Variants in CDC5L observed in about 807,000 individuals in gnomAD.
The protein encoded by CDC5L is cell division cycle 5 like, also known as cell division cycle 5-like protein.
CDC5L carries 18 observed loss-of-function variants against 104.1 expected under a neutral mutation model. The observed-to-expected ratio is 0.17, with a 90% CI of 0.12 to 0.26. The LOEUF is 0.26. Ranked by LOEUF, CDC5L falls within the 10% of genes least tolerant of loss-of-function variation. CDC5L has a pLI of 1.00. For missense variants in CDC5L, 673 were observed against 956.9 expected (o/e 0.70, Z 3.91); for synonymous variants, 331 against 322.7 (o/e 1.03, Z -0.28).
intron 11 of CDC5L, among the ~76,000 whole-genome samples, chr6:44,425,803 G>A (rs1009339092): frequency 6.6e-6 from 1 of 152,024 alleles, no homozygotes; most frequent in South Asian, 2.1e-4. Flanking sequence ...TTTGTCGTGG[G>A]AGTCTCTTTG....
chr6:44,408,625 T>G lies in CDC5L; in HGVS notation c.1085T>G (p.Ile362Ser). Residue 362 changes from isoleucine (I) to serine (S), a missense_variant, in exon 8 of 16, where the codon ATT (isoleucine) becomes AGT (serine). Physicochemically the swap from Ile to Ser is moderately radical, Grantham distance 142. Transcript: ENST00000371477. ...CGAACACCAGCTTCCCAGGACAGAA[T>G]TCTGCAGGTAACGTGTCACGTAGTA... ...TPRTPASQDR[I>S]LQEAQNLMAL... 1 of 1,595,812 alleles carries G rather than the reference T, an allele frequency of 6.3e-7. No homozygotes were observed. The highest frequency in any genetic ancestry group is 8.6e-7 in the Non-Finnish European group (1 of 1,166,902).
In CDC5L at chr6:44,445,747, T is replaced by A. The variant is rs760231944; in HGVS notation, c.2184T>A (p.Ala728=). 1.9e-6 allele frequency: 3 copies of A among 1,614,112 alleles called. No individual in the cohort carries two copies. Among genetic ancestry groups the A allele is most frequent in the Non-Finnish European group, 2.5e-6 (3 of 1,179,952 alleles). ...TGCTTGGGGGTTACCAGTCTCGTGC[T>A]ATGGGGCTCATGAAACAGTTGAATG... is the stretch of plus-strand genomic sequence containing the variant. ...KILLGGYQSR[A]MGLMKQLNDL... is the part of the protein sequence containing the mutation. The change falls in exon 15 of 16, where the codon GCT becomes GCA. Residue 728 remains alanine (A), a synonymous_variant. Transcript: ENST00000371477.
Position 44,406,228 on chromosome 6 carries a change from G to C in CDC5L, c.759-95G>C, listed in dbSNP as rs371468855. The C allele has an allele frequency of 3.1e-5, 28 of 912,324 alleles. No individual in the cohort carries two copies. In the Admixed American group the frequency reaches 3.5e-4, roughly 11 times the overall value. The allele number at this position is 912,324 out of a possible 1,614,324, so 56.5% of individuals were successfully genotyped here. ...TTTCAGTTATTTTCTTAGAAATGAG[G>C]TTGTTTGTTCAAAGGGTTTGAGTAT... On this transcript the variant is annotated intron_variant, in intron 6 of 15. Transcript: ENST00000371477.
At chr6:44,406,232 T>G in intron 6 of CDC5L, 91 bp from the exon 7 acceptor site, 1 of 961,426 alleles carries the variant, frequency 1.0e-6, no homozygotes, top group Non-Finnish European at 1.5e-6. Context: ...AATGAGGTTG[T>G]TTGTTCAAAG....
At chr6:44,403,330 TAA>T (rs76723196) in intron 5 of CDC5L, among the ~76,000 whole-genome samples, 21 of 142,334 alleles carry the variant, frequency 1.5e-4, no homozygotes, top group African/African-American at 2.6e-4. Flanking sequence ...TTGAGTGCAT[TAA>T]AAAAAAAAAA....
At chr6:44,419,425 C>G in intron 8 of CDC5L, 24 bp from the exon 9 acceptor site, 1 of 1,611,828 alleles carries the variant, frequency 6.2e-7, no homozygotes, top group Non-Finnish European at 8.5e-7. Flanking sequence ...TTTAAACTTG[C>G]TTCTTTGTCT....
At chr6:44,427,499 G>C (rs1241371295) in intron 13 of CDC5L, among the ~76,000 whole-genome samples, 1 of 152,140 alleles carries the variant, frequency 6.6e-6, no homozygotes, top group African/African-American at 2.4e-5. Flanking sequence ...AAACTCTCCT[G>C]TCTTCTCTCC....
At chr6:44,414,838 C>T (rs1791839200) in intron 8 of CDC5L, among the ~76,000 whole-genome samples, 1 of 152,076 alleles carries the variant, frequency 6.6e-6, no homozygotes, top group Non-Finnish European at 1.5e-5. Flanking sequence ...TTAATCTTAT[C>T]CAAGAAATTC....
At chr6:44,439,761 C>G (rs1336832066) in intron 14 of CDC5L, among the ~76,000 whole-genome samples, 1 of 152,224 alleles carries the variant, frequency 6.6e-6, no homozygotes, top group Non-Finnish European at 1.5e-5. Context: ...GTGCCAGGCA[C>G]TGGACAGCTG....
intron 14 of CDC5L, among the ~76,000 whole-genome samples, chr6:44,444,663 C>T (rs907874055): frequency 1.3e-5 from 2 of 152,160 alleles, no homozygotes; most frequent in African/African-American, 4.8e-5. Flanking sequence ...CTCTTTTCTT[C>T]ACTGCTCCCA....
chr6:44,409,115 C>T (rs993364506), intron 8 of CDC5L, among the ~76,000 whole-genome samples: 2 of 152,198 alleles, frequency 1.3e-5, no homozygotes, highest in African/African-American at 4.8e-5. Flanking sequence ...TTTTGGTACA[C>T]TTACATCTCA....
At chr6:44,433,585 G>A (rs1488524961) in intron 14 of CDC5L, among the ~76,000 whole-genome samples, 1 of 152,146 alleles carries the variant, frequency 6.6e-6, no homozygotes, top group East Asian at 1.9e-4. Context: ...AAAATGGAAA[G>A]GCTTTCCTTA....
rs11572028 is a variant in CDC5L, at chr6:44,428,217, C to CT, written c.1894-1493dup. On this transcript the variant is annotated intron_variant, in intron 13 of 15. Transcript: ENST00000371477. ...TCAGATTTTCTTTTTCTTTAATATA[C>CT]TTTAAGATATGTTAACATTGATTTG... Among the ~76,000 whole-genome samples, 1,452 of 152,198 alleles carry CT rather than the reference C, an allele frequency of 9.5e-3. 16 individuals are homozygous for CT. Among genetic ancestry groups the CT allele is most frequent in the East Asian group, 0.039 (200 of 5,176 alleles).
intron 8 of CDC5L, 93 bp from the exon 9 acceptor site, chr6:44,419,356 T>C: frequency 8.8e-7 from 1 of 1,140,684 alleles, no homozygotes; most frequent in Non-Finnish European, 1.3e-6. Context: ...GTAAGGATTC[T>C]GCCTGCTTCA....
At chr6:44,428,252 T>G (rs1233156523) in intron 13 of CDC5L, among the ~76,000 whole-genome samples, 4 of 152,236 alleles carry the variant, frequency 2.6e-5, no homozygotes, top group African/African-American at 9.6e-5. Flanking sequence ...GTTTCCATTA[T>G]TTCCCTTAAG....
intron 9 of CDC5L, among the ~76,000 whole-genome samples, chr6:44,421,105 A>G (rs1291680549): frequency 1.3e-5 from 2 of 152,186 alleles, no homozygotes; most frequent in Non-Finnish European, 2.9e-5. Flanking sequence ...GAACATCCAT[A>G]TACCCACCAC....
At position 44,416,731 on chromosome 6, in the gene CDC5L, C is replaced by T. The variant is rs1315364975; in HGVS notation, c.1093-2718C>T. ...CCAATCTCATACTGGGCCAAACTCC[C>T]CCACTCCTTTAGCCACACCATTTTT... On this transcript the variant is annotated intron_variant, in intron 8 of 15. Transcript: ENST00000371477. Among the ~76,000 whole-genome samples the T allele has an allele frequency of 2.6e-5, 4 of 152,294 alleles. No homozygotes were observed. In the East Asian group the frequency reaches 7.7e-4, roughly 29 times the overall value.
chr6:44,426,869 G>A, intron 13 of CDC5L, 145 bp downstream of exon 13: 3 of 797,568 alleles, frequency 3.8e-6, no homozygotes, highest in Non-Finnish European at 6.0e-6. Flanking sequence ...TTTAGATTAA[G>A]TGTTATGAAA....
chr6:44,445,647 C>T lies in CDC5L; in HGVS notation c.2092-8C>T. The T allele has an allele frequency of 6.2e-7, 1 of 1,600,250 alleles. No homozygotes were observed. Among genetic ancestry groups the T allele is most frequent in the Non-Finnish European group, 8.6e-7 (1 of 1,168,272 alleles). ...TGTATGCTGATGTGATCTTCCCCTG[C>T]TCTCCAGATAAACAGGGGTCACATG... On this transcript the variant is annotated splice_polypyrimidine_tract_variant and splice_region_variant and intron_variant, in intron 14 of 15. Transcript: ENST00000371477.
Sources: gnomAD v4.1 joint callset for allele counts (sites outside exome capture counted in the v4.1 genomes callset) on GRCh38, gnomAD v4.1.1 for gene constraint, MANE v1.5 for transcripts, NCBI Gene and HGNC (gene_info 2026-07-23, HGNC 2026-07-21) for gene names.